The following SLC9A2 variants were observed in gnomAD, a reference collection of about 807,000 sequenced individuals.
SLC9A2 encodes solute carrier family 9 member A2, also known as sodium/hydrogen exchanger 2.
In SLC9A2, 42 loss-of-function variants were observed where a neutral mutation model predicts 71.7. That is an observed-to-expected ratio of 0.59 (90% CI 0.46 to 0.76). SLC9A2 has a LOEUF of 0.76. Among genes scored for constraint, SLC9A2 ranks in the 30% least tolerant of loss-of-function variants. SLC9A2 has a pLI of 0.00. For missense variants in SLC9A2, 829 were observed against 1,017.4 expected (o/e 0.81, Z 2.52); for synonymous variants, 396 against 392.5 (o/e 1.01, Z -0.10).
intron 3 of SLC9A2, among the ~76,000 whole-genome samples, chr2:102,665,704 G>C (rs1251760298): frequency 6.8e-6 from 1 of 146,980 alleles, no homozygotes; most frequent in African/African-American, 2.5e-5. Flanking sequence ...AACCCGGGAG[G>C]CGGAGCTTGC....
At chr2:102,691,815 A>G (rs530374200) in intron 5 of SLC9A2, among the ~76,000 whole-genome samples, 26 of 152,274 alleles carry the variant, frequency 1.7e-4, no homozygotes, top group African/African-American at 5.1e-4. Context: ...TCACTTCTAG[A>G]TCATCTGTAG....
chr2:102,672,024 G>A (rs1014487228), intron 3 of SLC9A2, among the ~76,000 whole-genome samples: 3 of 152,104 alleles, frequency 2.0e-5, no homozygotes, highest in African/African-American at 7.2e-5. Context: ...TAGGAGAATT[G>A]CTTGAACCCG....
At chr2:102,680,260 T>C (rs1677428006) in intron 3 of SLC9A2, among the ~76,000 whole-genome samples, 1 of 152,172 alleles carries the variant, frequency 6.6e-6, no homozygotes. Context: ...ATATAAAACA[T>C]GTTATAATTC....
intron 1 of SLC9A2, among the ~76,000 whole-genome samples, chr2:102,646,374 C>T (rs528236197): frequency 3.3e-5 from 5 of 152,294 alleles, no homozygotes; most frequent in Non-Finnish European, 7.4e-5. Context: ...ACCAATGATA[C>T]TGTAAAGAAA....
At chr2:102,650,312 G>A (rs1388223028) in intron 1 of SLC9A2, among the ~76,000 whole-genome samples, 4 of 152,006 alleles carry the variant, frequency 2.6e-5, no homozygotes, top group African/African-American at 7.2e-5. Context: ...ATTATACACT[G>A]GGGCCTGTTG....
At chr2:102,628,740 G>T (rs899837890) in intron 1 of SLC9A2, among the ~76,000 whole-genome samples, 1 of 151,904 alleles carries the variant, frequency 6.6e-6, no homozygotes, top group African/African-American at 2.4e-5. Context: ...TTAGAGATAG[G>T]TTCTCACTAT....
Position 102,619,772 on chromosome 2 carries a change from C to A in SLC9A2, c.-77C>A. 7.4e-7 allele frequency: 1 copy of A among 1,346,840 alleles called. No homozygotes were observed. Among genetic ancestry groups the A allele is most frequent in the Non-Finnish European group, 9.8e-7 (1 of 1,023,252 alleles). The allele number at this position is 1,346,840 out of a possible 1,614,324, so 83.4% of individuals were successfully genotyped here. ...CCTGCACGGGGCAGGGCGGAGCGGG[C>A]TGAGCAGCCCGGGCGCGATGCGTTG... On this transcript the variant is annotated 5_prime_UTR_variant, in exon 1 of 12. The change creates a new upstream start codon in the 5' untranslated region. Coordinates refer to ENST00000233969, the MANE Select transcript of SLC9A2 (RefSeq NM_003048.6). The surrounding 1 kb of genome is among the most constrained non-coding windows in gnomAD (Gnocchi z 4.3).
chr2:102,660,621 T>G (rs1187787881), intron 2 of SLC9A2, among the ~76,000 whole-genome samples: 1 of 152,192 alleles, frequency 6.6e-6, no homozygotes, highest in East Asian at 1.9e-4. Context: ...TGTGGAAGAT[T>G]CTTTGATTCA....
At chr2:102,691,933 T>C (rs1456237122) in intron 5 of SLC9A2, among the ~76,000 whole-genome samples, 29 of 152,202 alleles carry the variant, frequency 1.9e-4, no homozygotes, top group Admixed American at 1.8e-3. Flanking sequence ...TGAACACTGA[T>C]AGGAAAAGAG....
chr2:102,680,696 A>G (rs903548375), intron 3 of SLC9A2, among the ~76,000 whole-genome samples: 1 of 152,216 alleles, frequency 6.6e-6, no homozygotes, highest in African/African-American at 2.4e-5. Flanking sequence ...CCACATCCTA[A>G]TCCCTGGAAC....
At chr2:102,643,758 T>C (rs972273914) in intron 1 of SLC9A2, among the ~76,000 whole-genome samples, 2 of 152,204 alleles carry the variant, frequency 1.3e-5, no homozygotes, top group African/African-American at 4.8e-5. Context: ...TTTTCATCTT[T>C]TTTCATTTTT....
rs921091094 is a variant in SLC9A2 at position 102,710,797 on chromosome 2, C to T, written c.*2308C>T. 6.6e-6 allele frequency: 1 copy of T among 152,226 alleles called. No homozygotes were observed. The highest frequency in any genetic ancestry group is 2.4e-5 in the African/African-American group (1 of 41,412). 9.4% of individuals were successfully genotyped at this position (152,226 alleles called of 1,614,324 possible). A position where few individuals can be genotyped will look rare whatever the true frequency, so the allele number is the denominator to read the frequency against. On this transcript the variant is annotated 3_prime_UTR_variant, in exon 12 of 12. Transcript: ENST00000233969. ...TTCTGTAGTAGAGAGAGCCGTAGCC[C>T]TTTGTAAAGGCTTTCGTTCGTCCAA...
chr2:102,683,401 C>T lies in SLC9A2; in HGVS notation c.1145C>T (p.Thr382Ile). Residue 382 changes from threonine to isoleucine, a missense_variant, in exon 4 of 12, where the codon ACC becomes ATC. Thr to Ile is a moderately conservative substitution (Grantham distance 89, BLOSUM62 -1). Around this residue, in one of 3 missense-constraint regions of SLC9A2, gnomAD observed 500 missense variants for 726.3 expected, o/e 0.69. Coordinates refer to ENST00000233969, the MANE Select transcript of SLC9A2 (RefSeq NM_003048.6). ...ATCTTCATCTTCATGGGTGTGTCTA[C>T]CGTGGGCAAGAACCACGAGTGGAAC... ...TLIFIFMGVS[T>I]VGKNHEWNWA... is the part of the protein sequence containing the mutation. 1 of 1,614,178 alleles carries T rather than the reference C, an allele frequency of 6.2e-7. No individual in the cohort carries two copies. Among genetic ancestry groups the T allele is most frequent in the Non-Finnish European group, 8.5e-7 (1 of 1,180,024 alleles).
chr2:102,673,631 G>C (rs1677295169), intron 3 of SLC9A2, among the ~76,000 whole-genome samples: 1 of 151,986 alleles, frequency 6.6e-6, no homozygotes, highest in South Asian at 2.1e-4. Context: ...ACTGTTTCTT[G>C]ACTGTTCTTT....
chr2:102,655,873 C>A (rs1676929725), intron 1 of SLC9A2, among the ~76,000 whole-genome samples: 1 of 152,158 alleles, frequency 6.6e-6, no homozygotes, highest in Non-Finnish European at 1.5e-5. Context: ...CCTCACATGG[C>A]AGAAGGCAGA....
At chr2:102,628,668 G>T (rs1676299914) in intron 1 of SLC9A2, among the ~76,000 whole-genome samples, 1 of 151,908 alleles carries the variant, frequency 6.6e-6, no homozygotes, top group African/African-American at 2.4e-5. Context: ...TAATTAGTTA[G>T]AATTTTACTT....
chr2:102,651,863 C>T (rs1676840936), intron 1 of SLC9A2, among the ~76,000 whole-genome samples: 1 of 152,158 alleles, frequency 6.6e-6, no homozygotes, highest in Non-Finnish European at 1.5e-5. Flanking sequence ...TATAATGCCT[C>T]AATATTCTTG....
At position 102,691,994 on chromosome 2, in the gene SLC9A2, T is replaced by C. The variant is rs543245550; in HGVS notation, c.1426-2420T>C. On this transcript the variant is annotated intron_variant, in intron 5 of 11. Transcript: ENST00000233969. ...TAGAACACATTATAGAGTTTTAAAA[T>C]TTACATTGATTTTGTCAACTTTTTC... Among the ~76,000 whole-genome samples, 571 of 152,344 alleles carry C rather than the reference T, an allele frequency of 3.7e-3. 1 individual carries two copies. The highest frequency in any genetic ancestry group is 5.8e-3 in the Non-Finnish European group (395 of 68,032).
chr2:102,644,819 C>T (rs1184428222), intron 1 of SLC9A2, among the ~76,000 whole-genome samples: 1 of 152,208 alleles, frequency 6.6e-6, no homozygotes, highest in East Asian at 1.9e-4. Context: ...ATAGATAAAA[C>T]TCCCAACTCC....
Sources: gnomAD v4.1 joint callset for allele counts (sites outside exome capture counted in the v4.1 genomes callset) on GRCh38, gnomAD v4.1.1 for gene constraint, gnomAD v4.1.1 regional missense constraint, Gnocchi (gnomAD v3.1) non-coding constraint, MANE v1.5 for transcripts, NCBI Gene and HGNC (gene_info 2026-07-23, HGNC 2026-07-21) for gene names.